The following SIVA1 variants were observed in gnomAD, a reference collection of about 807,000 sequenced individuals.
SIVA1 encodes the protein apoptosis regulatory protein Siva.
A neutral mutation model predicts 19.7 loss-of-function variants in SIVA1; 10 were observed. The ratio of observed to expected loss-of-function variants is 0.51; its 90% confidence interval spans 0.31 to 0.86. The LOEUF (loss-of-function observed/expected upper bound fraction) is 0.86, where lower values mean the gene tolerates loss of function less well. Among genes scored for constraint, SIVA1 ranks in the 40% least tolerant of loss-of-function variants. The pLI is 0.04. For missense variants in SIVA1, 241 were observed against 245.2 expected (o/e 0.98, Z 0.11); for synonymous variants, 130 against 106.1 (o/e 1.23, Z -1.39).
chr14:104,754,437 G>A (rs1891817915), intron 1 of SIVA1, among the ~76,000 whole-genome samples: 1 of 152,192 alleles, frequency 6.6e-6, no homozygotes, highest in Non-Finnish European at 1.5e-5. Flanking sequence ...GACCGCAATC[G>A]TGTGCCCTCT....
intron 2 of SIVA1, 115 bp downstream of exon 2, chr14:104,755,939 C>T (rs1016253479): frequency 9.8e-7 from 1 of 1,024,664 alleles, no homozygotes; most frequent in African/African-American, 1.6e-5. Flanking sequence ...AGGACTCTGA[C>T]CCAGAGCTTG....
At chr14:104,754,833 C>T (rs906364685) in intron 1 of SIVA1, among the ~76,000 whole-genome samples, 1 of 152,222 alleles carries the variant, frequency 6.6e-6, no homozygotes, top group African/African-American at 2.4e-5. Flanking sequence ...CTGGCATCAG[C>T]TACTCCATGT....
rs1892014824 is a variant in SIVA1 at position 104,759,492 on chromosome 14, C to T, written c.*7C>T. On this transcript the variant is annotated 3_prime_UTR_variant, in exon 4 of 4. Coordinates refer to ENST00000329967, the MANE Select transcript of SIVA1 (RefSeq NM_006427.4). The surrounding 1 kb of genome is among the most constrained non-coding windows in gnomAD (Gnocchi z 4.2). ...TGCCATGTTCGAGACCTGAGGCTGG[C>T]TCAAGCCGGCTGCCTTCACCGGGAG... The T allele has an allele frequency of 1.2e-6, 2 of 1,608,546 alleles. No individual in the cohort carries two copies. The highest frequency in any genetic ancestry group is 1.7e-5 in the Admixed American group (1 of 59,964).
At position 104,753,214 on chromosome 14, in the gene SIVA1, A is replaced by G. The variant is rs765580260; in HGVS notation, c.13A>G (p.Ser5Gly). 3 of 1,576,922 alleles carry G rather than the reference A, an allele frequency of 1.9e-6. No individual in the cohort carries two copies. The highest frequency in any genetic ancestry group is 2.4e-5 in the East Asian group (1 of 42,474). Residue 5 changes from serine (S) to glycine (G), a missense_variant, in exon 1 of 4, where the codon AGC becomes GGC. By Grantham distance (56) the Ser-to-Gly change is moderately conservative. Transcript: ENST00000329967. ...CGGCCCCGCGGCCATGCCCAAGCGG[A>G]GCTGCCCCTTCGCGGACGTGGCCCC... MPKR[S>G]CPFADVAPLQ...
chr14:104,757,001 C>T (rs2140860357), intron 3 of SIVA1: 2 of 565,542 alleles, frequency 3.5e-6, no homozygotes, highest in South Asian at 2.1e-5. Flanking sequence ...CGGCTCTAGT[C>T]CCTGTCTTCA....
intron 2 of SIVA1, 23 bp from the exon 3 acceptor site, chr14:104,756,581 G>A (rs374578279): frequency 6.8e-6 from 11 of 1,613,916 alleles, no homozygotes; most frequent in Middle Eastern, 3.3e-4. Flanking sequence ...GCAGCCTGAC[G>A]GCTTGGCGTT....
intron 2 of SIVA1, 129 bp from the exon 3 acceptor site, chr14:104,756,475 G>A: frequency 2.0e-6 from 2 of 989,562 alleles, no homozygotes; most frequent in South Asian, 1.4e-5. Flanking sequence ...GAAGGATCCA[G>A]TGTAGGTGGG....
chr14:104,756,016 G>A, intron 2 of SIVA1, 192 bp downstream of exon 2: 1 of 704,102 alleles, frequency 1.4e-6, no homozygotes, highest in Non-Finnish European at 2.6e-6. Flanking sequence ...TTGTTAAACA[G>A]CTTCTAAGTA....
At chr14:104,753,566 C>T (rs915053906) in intron 1 of SIVA1, among the ~76,000 whole-genome samples, 7 of 152,354 alleles carry the variant, frequency 4.6e-5, no homozygotes, top group African/African-American at 1.7e-4. Flanking sequence ...GGTCCCTGCC[C>T]CTAGCCCCCG....
intron 2 of SIVA1, 150 bp from the exon 3 acceptor site, chr14:104,756,454 A>G: frequency 1.3e-6 from 1 of 796,920 alleles, no homozygotes; most frequent in Non-Finnish European, 2.1e-6. Context: ...TACCAGGCTC[A>G]CGGGTTGTCA....
chr14:104,755,883 C>A, intron 2 of SIVA1, 59 bp downstream of exon 2: 1 of 1,505,058 alleles, frequency 6.6e-7, no homozygotes, highest in Non-Finnish European at 9.1e-7. Context: ...GTGGCACGAG[C>A]ATTTTTCTTG....
At chr14:104,755,857 G>A in intron 2 of SIVA1, 33 bp downstream of exon 2, 1 of 1,587,424 alleles carries the variant, frequency 6.3e-7, no homozygotes, top group Middle Eastern at 1.7e-4. Context: ...TGTGGCTGTG[G>A]CACTGAGGGC....
intron 2 of SIVA1, chr14:104,756,135 C>T (rs1891879973): frequency 3.9e-6 from 2 of 512,202 alleles, no homozygotes; most frequent in Admixed American, 6.4e-5. Flanking sequence ...CATCCCTATG[C>T]AGTGTGGGGT....
At chr14:104,757,447 TC>T (rs1891932330) in intron 3 of SIVA1, 1 of 248,296 alleles carries the variant, frequency 4.0e-6, no homozygotes, top group South Asian at 3.4e-5. Flanking sequence ...ATGTTACATC[TC>T]GAGTCCTTTC....
intron 1 of SIVA1, chr14:104,753,702 G>A (rs1173074111): frequency 2.3e-6 from 1 of 433,048 alleles, no homozygotes; most frequent in Admixed American, 2.5e-5. Context: ...CCTGCATGGA[G>A]TCAACCCGAA....
intron 1 of SIVA1, chr14:104,753,637 T>A: frequency 2.2e-6 from 1 of 449,438 alleles, no homozygotes. Context: ...CGCCTGGTGC[T>A]TTCTCAGGAC....
At position 104,759,551 on chromosome 14, in the gene SIVA1, C is replaced by A; in HGVS notation, c.*66C>A. ...TGCATGGCAGCCTTCCCTGGACGAG[C>A]GCTCGGTGTTCACACTGAACTGTGG... On this transcript the variant is annotated 3_prime_UTR_variant, in exon 4 of 4. Transcript: ENST00000329967. The surrounding 1 kb of genome is among the most constrained non-coding windows in gnomAD (Gnocchi z 4.2). 1.4e-6 allele frequency: 2 copies of A among 1,389,694 alleles called. No individual in the cohort carries two copies. Among genetic ancestry groups the A allele is most frequent in the Non-Finnish European group, 2.0e-6 (2 of 990,784 alleles). The allele number at this position is 1,389,694 out of a possible 1,614,324, so 86.1% of individuals were successfully genotyped here. A position where few individuals can be genotyped will look rare whatever the true frequency, so the allele number is the denominator to read the frequency against.
In SIVA1 at chr14:104,753,189, C is replaced by A; in HGVS notation, c.-13C>A. 1 of 1,540,410 alleles carries A rather than the reference C, an allele frequency of 6.5e-7. No homozygotes were observed. The highest frequency in any genetic ancestry group is 1.2e-5 in the South Asian group (1 of 85,590). Reference sequence around the variant, plus strand: ...GGCGGCCGGGGAGCTGCGTAGCTCCCGGCCCCGCGGCCATGCCCAAGCGGA... The same window carrying A: ...GGCGGCCGGGGAGCTGCGTAGCTCCAGGCCCCGCGGCCATGCCCAAGCGGA... On this transcript the variant is annotated 5_prime_UTR_variant, in exon 1 of 4. Coordinates refer to ENST00000329967, the MANE Select transcript of SIVA1 (RefSeq NM_006427.4).
Position 104,759,173 on chromosome 14 carries a change from G to A in SIVA1, c.471-255G>A. On this transcript the variant is annotated intron_variant, in intron 3 of 3. Coordinates refer to ENST00000329967, the MANE Select transcript of SIVA1 (RefSeq NM_006427.4). The surrounding 1 kb of genome is among the most constrained non-coding windows in gnomAD (Gnocchi z 4.2). ...CCCTGTAGACAGCTGCCCCCTCCCTGTATCTTCATGTCGTCTTCCTTCTCT... is the reference window on the plus strand; with the variant it reads ...CCCTGTAGACAGCTGCCCCCTCCCTATATCTTCATGTCGTCTTCCTTCTCT... 1 of 370,246 alleles carries A rather than the reference G, an allele frequency of 2.7e-6. No homozygotes were observed. The highest frequency in any genetic ancestry group is 2.1e-5 in the African/African-American group (1 of 47,926). The allele number at this position is 370,246 out of a possible 1,614,324, so 22.9% of individuals were successfully genotyped here.
Sources: gnomAD v4.1 joint callset for allele counts (sites outside exome capture counted in the v4.1 genomes callset) on GRCh38, gnomAD v4.1.1 for gene constraint, Gnocchi (gnomAD v3.1) non-coding constraint, MANE v1.5 for transcripts, NCBI Gene and HGNC (gene_info 2026-07-23, HGNC 2026-07-21) for gene names.